The following NKAIN2 variants were observed in gnomAD, a reference collection of about 807,000 sequenced individuals.
NKAIN2 encodes sodium/potassium transporting ATPase interacting 2, also known as sodium/potassium-transporting ATPase subunit beta-1-interacting protein 2.
NKAIN2 carries 14 observed loss-of-function variants against 32.6 expected under a neutral mutation model. The ratio of observed to expected loss-of-function variants is 0.43; its 90% CI spans 0.28 to 0.67. The LOEUF (loss-of-function observed/expected upper bound fraction) is 0.67, where lower values mean the gene tolerates loss of function less well. NKAIN2 is among the 30% of genes least tolerant of loss of function. The probability of loss-of-function intolerance (pLI) is 0.17; values close to 1 mark genes in which losing one functional copy is unlikely to be tolerated. For missense variants in NKAIN2, 198 were observed against 258.3 expected (o/e 0.77, Z 1.60); for synonymous variants, 80 against 87.2 (o/e 0.92, Z 0.46).
At chr6:124,625,848 G>A (rs1354601000) in intron 3 of NKAIN2, among the ~76,000 whole-genome samples, 1 of 151,926 alleles carries the variant, frequency 6.6e-6, no homozygotes. Flanking sequence ...GAGTCAAACA[G>A]TGTGTTTCGT....
intron 1 of NKAIN2, among the ~76,000 whole-genome samples, chr6:124,224,042 T>C (rs1052659635): frequency 2.0e-5 from 3 of 152,150 alleles, no homozygotes; most frequent in African/African-American, 7.2e-5. Context: ...TGTTTTTAAT[T>C]GATATTACAA....
rs1250165533 is a variant in NKAIN2 at position 124,262,069 on chromosome 6, A to G, written c.55-20936A>G. Reference sequence around the variant, plus strand: ...GAGGGCAGAGCCAGGTGTTATTCACACCTGTTTATGACCACCACAGGGCCT... The same window carrying G: ...GAGGGCAGAGCCAGGTGTTATTCACGCCTGTTTATGACCACCACAGGGCCT... On this transcript the variant is annotated intron_variant, in intron 1 of 6. Coordinates refer to ENST00000368417, the MANE Select transcript of NKAIN2 (RefSeq NM_001040214.3). Among the ~76,000 whole-genome samples, 5 of 152,050 alleles carry G rather than the reference A, an allele frequency of 3.3e-5. No homozygotes were observed. The East Asian group carries it at 9.7e-4, about 29-fold the overall frequency.
chr6:123,853,327 C>G lies in NKAIN2; in HGVS notation c.54+49073C>G, dbSNP rs1320526607. ...TGTAAAGTGCAATGCATTTTCTATACATAATTCACAAATCTACAATAGAAA... is the reference window on the plus strand; with the variant it reads ...TGTAAAGTGCAATGCATTTTCTATAGATAATTCACAAATCTACAATAGAAA... On this transcript the variant is annotated intron_variant, in intron 1 of 6. Coordinates refer to ENST00000368417, the MANE Select transcript of NKAIN2 (RefSeq NM_001040214.3). Among the ~76,000 whole-genome samples the G allele has an allele frequency of 3.3e-5, 5 of 152,256 alleles. No individual in the cohort carries two copies. In the East Asian group the frequency reaches 9.7e-4, roughly 29 times the overall value.
intron 1 of NKAIN2, among the ~76,000 whole-genome samples, chr6:123,837,370 G>A (rs1774674819): frequency 6.6e-6 from 1 of 151,902 alleles, no homozygotes; most frequent in Non-Finnish European, 1.5e-5. Flanking sequence ...ATTTGAGTTA[G>A]TGGGATTCTG....
intron 2 of NKAIN2, among the ~76,000 whole-genome samples, chr6:124,336,280 G>A (rs978325788): frequency 2.0e-5 from 3 of 152,146 alleles, no homozygotes; most frequent in African/African-American, 7.2e-5. Flanking sequence ...AATTGATTAA[G>A]CAGCCATAAT....
intron 1 of NKAIN2, among the ~76,000 whole-genome samples, chr6:124,135,481 A>G (rs1425262887): frequency 2.8e-5 from 4 of 142,384 alleles, no homozygotes; most frequent in Non-Finnish European, 6.0e-5. Context: ...AGCTATTCTT[A>G]TATCACACAA....
intron 1 of NKAIN2, among the ~76,000 whole-genome samples, chr6:124,161,356 A>G (rs1157736536): frequency 3.3e-5 from 5 of 152,106 alleles, no homozygotes; most frequent in Non-Finnish European, 7.4e-5. Context: ...ATCTGCCCCC[A>G]TGATTCAAAC....
chr6:124,820,087 T>G (rs1307476011), intron 6 of NKAIN2, among the ~76,000 whole-genome samples: 1 of 152,202 alleles, frequency 6.6e-6, no homozygotes, highest in Non-Finnish European at 1.5e-5. Flanking sequence ...TCTTTCCCCA[T>G]GTACTACAGT....
At chr6:124,525,337 G>T (rs1329369980) in intron 3 of NKAIN2, among the ~76,000 whole-genome samples, 4 of 151,972 alleles carry the variant, frequency 2.6e-5, no homozygotes, top group African/African-American at 9.7e-5. Flanking sequence ...ACCAAATGAG[G>T]TATTGATAAA....
At chr6:124,070,643 TCTGA>T (rs1218381157) in intron 1 of NKAIN2, among the ~76,000 whole-genome samples, 2 of 152,168 alleles carry the variant, frequency 1.3e-5, no homozygotes, top group South Asian at 2.1e-4. Flanking sequence ...TCCAGTTTAT[TCTGA>T]CTATCACACC....
chr6:124,662,013 A>G (rs1477153641), intron 4 of NKAIN2, among the ~76,000 whole-genome samples: 6 of 152,180 alleles, frequency 3.9e-5, no homozygotes, highest in African/African-American at 1.4e-4. Flanking sequence ...TTCCTAAGAT[A>G]TTTTAGCTAA....
At chr6:123,890,283 C>G (rs921108910) in intron 1 of NKAIN2, among the ~76,000 whole-genome samples, 1 of 151,838 alleles carries the variant, frequency 6.6e-6, no homozygotes, top group African/African-American at 2.4e-5. Context: ...GCTCCTTCCT[C>G]TTTTAGTTAT....
chr6:124,068,589 T>C (rs1783297883), intron 1 of NKAIN2, among the ~76,000 whole-genome samples: 1 of 151,976 alleles, frequency 6.6e-6, no homozygotes, highest in African/African-American at 2.4e-5. Context: ...ATGTTCCATC[T>C]TTGCTTGTAT....
intron 5 of NKAIN2, 78 bp downstream of exon 5, chr6:124,791,477 C>T: frequency 1.1e-6 from 1 of 918,182 alleles, no homozygotes; most frequent in Non-Finnish European, 1.7e-6. Context: ...CCTTCCTATT[C>T]CTCAGACAAG....
chr6:124,656,297 A>C (rs1784536899), intron 3 of NKAIN2, among the ~76,000 whole-genome samples: 1 of 152,172 alleles, frequency 6.6e-6, no homozygotes, highest in East Asian at 1.9e-4. Flanking sequence ...TGTGTTCAGA[A>C]ATTAATGTCT....
chr6:124,508,573 G>C (rs1355359869), intron 3 of NKAIN2, among the ~76,000 whole-genome samples: 1 of 151,994 alleles, frequency 6.6e-6, no homozygotes, highest in Non-Finnish European at 1.5e-5. Flanking sequence ...TCGATCTCTT[G>C]ACCTCGTGAT....
At chr6:124,461,402 C>G (rs558340865) in intron 3 of NKAIN2, among the ~76,000 whole-genome samples, 1 of 151,682 alleles carries the variant, frequency 6.6e-6, no homozygotes, top group Admixed American at 6.6e-5. Flanking sequence ...TTACTTTTCT[C>G]CTATACACGT....
At chr6:124,659,424 A>C (rs1258147137) in intron 4 of NKAIN2, among the ~76,000 whole-genome samples, 3 of 152,124 alleles carry the variant, frequency 2.0e-5, no homozygotes, top group Admixed American at 6.6e-5. Flanking sequence ...TTAAAAAAAA[A>C]AACTATGTGA....
chr6:124,731,902 A>G (rs923953453), intron 4 of NKAIN2, among the ~76,000 whole-genome samples: 28 of 152,228 alleles, frequency 1.8e-4, no homozygotes, highest in Admixed American at 9.2e-4. Flanking sequence ...AACAGTATCT[A>G]TAAAGTCCCA....
Sources: gnomAD v4.1 joint callset for allele counts (sites outside exome capture counted in the v4.1 genomes callset) on GRCh38, gnomAD v4.1.1 for gene constraint, MANE v1.5 for transcripts, NCBI Gene and HGNC (gene_info 2026-07-23, HGNC 2026-07-21) for gene names.